The following PRDM16 variants were observed in gnomAD, a reference collection of about 807,000 sequenced individuals.
The protein encoded by PRDM16 is PR/SET domain 16.
PRDM16 carries 23 observed loss-of-function variants against 110.6 expected under a neutral mutation model. That is an observed-to-expected ratio of 0.21 (90% CI 0.15 to 0.29). The LOEUF (loss-of-function observed/expected upper bound fraction) is 0.29. Ranked by LOEUF, PRDM16 falls within the 10% of genes least tolerant of loss-of-function variation. The pLI is 1.00. For synonymous variants in PRDM16, 799 were observed against 781.8 expected, an observed-to-expected ratio of 1.02 and a Z score of -0.37; for missense variants, 1,615 against 1,794.3, an observed-to-expected ratio of 0.90 and a Z score of 1.81.
At position 3,280,566 on chromosome 1, in the gene PRDM16, C is replaced by T. The variant is rs115202270; in HGVS notation, c.438+36429C>T. 5.4e-3 allele frequency among the ~76,000 whole-genome samples: 816 copies of T among 152,322 alleles called. 6 individuals carry two copies. The highest frequency in any genetic ancestry group is 0.019 in the African/African-American group (783 of 41,554). ...CCCACCTCAGGCCTTCCATCGCCTC[C>T]CTCGACTCCCACCTGGAGCCTGGAG... On this transcript the variant is annotated intron_variant, in intron 3 of 16. Coordinates refer to ENST00000270722, the MANE Select transcript of PRDM16 (RefSeq NM_022114.4).
chr1:3,151,779 A>G (rs547818599), intron 1 of PRDM16, among the ~76,000 whole-genome samples: 3 of 152,338 alleles, frequency 2.0e-5, no homozygotes, highest in African/African-American at 4.8e-5. Flanking sequence ...CCCGGAGAAG[A>G]GAGCCCAACT....
intron 1 of PRDM16, among the ~76,000 whole-genome samples, chr1:3,104,398 C>A (rs1439768236): frequency 6.6e-6 from 1 of 152,194 alleles, no homozygotes; most frequent in Non-Finnish European, 1.5e-5. Flanking sequence ...GTGCACAGGG[C>A]CTTGCTGTTC....
At chr1:3,125,748 C>T (rs1643191743) in intron 1 of PRDM16, among the ~76,000 whole-genome samples, 1 of 152,228 alleles carries the variant, frequency 6.6e-6, no homozygotes, top group Admixed American at 6.5e-5. Context: ...TTGGTCTGCG[C>T]GGGGGGCACT....
intron 1 of PRDM16, among the ~76,000 whole-genome samples, chr1:3,181,677 C>CAGTCTTACACACGGTCTTACACAT (rs1644197761): frequency 2.0e-4 from 19 of 92,974 alleles, no homozygotes; most frequent in Admixed American, 5.8e-4. Flanking sequence ...GTCTTACACG[C>CAGTCTTACACACGGTCTTACACAT]GCAGTCTTAC....
intron 1 of PRDM16, 106 bp from the exon 2 acceptor site, chr1:3,186,019 G>C (rs1569797799): frequency 2.1e-6 from 2 of 969,242 alleles, no homozygotes. Flanking sequence ...CTGGGCCCCT[G>C]AGCACCCTCG....
At chr1:3,097,099 G>T (rs189439191) in intron 1 of PRDM16, among the ~76,000 whole-genome samples, 1 of 152,060 alleles carries the variant, frequency 6.6e-6, no homozygotes, top group African/African-American at 2.4e-5. Flanking sequence ...CACCCAGGCC[G>T]GGATTCTAGG....
intron 2 of PRDM16, among the ~76,000 whole-genome samples, chr1:3,241,920 C>T (rs1639683217): frequency 6.6e-6 from 1 of 152,196 alleles, no homozygotes; most frequent in African/African-American, 2.4e-5. Context: ...GGCTGGAGGG[C>T]TGTCACGCTA....
At chr1:3,075,741 G>A (rs977050808) in intron 1 of PRDM16, among the ~76,000 whole-genome samples, 2 of 152,376 alleles carry the variant, frequency 1.3e-5, no homozygotes, top group African/African-American at 4.8e-5. Flanking sequence ...ACCTGCACAC[G>A]CACCTCTCAG....
chr1:3,241,750 C>CGCTCGG (rs1273975173), intron 2 of PRDM16, among the ~76,000 whole-genome samples: 1 of 152,170 alleles, frequency 6.6e-6, no homozygotes, highest in Non-Finnish European at 1.5e-5. Flanking sequence ...GGCAGGGAGA[C>CGCTCGG]AGGAAGATCA....
At chr1:3,117,999 T>C (rs556573028) in intron 1 of PRDM16, among the ~76,000 whole-genome samples, 8 of 151,888 alleles carry the variant, frequency 5.3e-5, no homozygotes, top group Non-Finnish European at 2.9e-5. Context: ...TGCACGCGTG[T>C]GTGCGTGTGC....
At chr1:3,089,201 G>A (rs1642218041) in intron 1 of PRDM16, among the ~76,000 whole-genome samples, 2 of 152,248 alleles carry the variant, frequency 1.3e-5, no homozygotes, top group South Asian at 4.1e-4. Flanking sequence ...AATGGAGATG[G>A]TGTCTGCACC....
At chr1:3,273,975 G>GGAA (rs1569971594) in intron 3 of PRDM16, among the ~76,000 whole-genome samples, 1 of 76,484 alleles carries the variant, frequency 1.3e-5, no homozygotes, top group African/African-American at 1.0e-4. Flanking sequence ...GTATGGGGAG[G>GGAA]TAAAAAAAAA....
chr1:3,090,413 G>A (rs921320787), intron 1 of PRDM16, among the ~76,000 whole-genome samples: 5 of 152,226 alleles, frequency 3.3e-5, no homozygotes, highest in Admixed American at 2.6e-4. Context: ...GCCGCCGTTC[G>A]GCAGGCCTGG....
Position 3,359,789 on chromosome 1 carries a change from A to C in PRDM16, c.439-25363A>C, listed in dbSNP as rs1169344872. ...GCAGCCAGAAGGCAAGGCGGGAAAAACGAGCCTGGCCTGAAACCACGCCCG... is the reference window on the plus strand; with the variant it reads ...GCAGCCAGAAGGCAAGGCGGGAAAACCGAGCCTGGCCTGAAACCACGCCCG... On this transcript the variant is annotated intron_variant, in intron 3 of 16. Coordinates refer to ENST00000270722, the MANE Select transcript of PRDM16 (RefSeq NM_022114.4). This position sits in a 1 kb window ranked among gnomAD's most constrained non-coding sequence, Gnocchi z 4.3. Among the ~76,000 whole-genome samples, 1 of 152,088 alleles carries C rather than the reference A, an allele frequency of 6.6e-6. No homozygotes were observed.
intron 3 of PRDM16, among the ~76,000 whole-genome samples, chr1:3,333,435 G>C (rs1642083013): frequency 6.6e-6 from 1 of 152,180 alleles, no homozygotes; most frequent in African/African-American, 2.4e-5. Flanking sequence ...TCTGACCCTA[G>C]GAGTCTGGAA....
At chr1:3,278,467 T>A (rs1349466145) in intron 3 of PRDM16, among the ~76,000 whole-genome samples, 1 of 152,190 alleles carries the variant, frequency 6.6e-6, no homozygotes, top group Non-Finnish European at 1.5e-5. Context: ...TCATGCAGGA[T>A]ATTTCAGCAG....
chr1:3,290,737 G>A lies in PRDM16; in HGVS notation c.438+46600G>A, dbSNP rs1036009780. ...GCAGGGAGTGGAAGAAACTCAAGCCGGGAGCTGTGGATCCAAAAATATTGC... is the reference window on the plus strand; with the variant it reads ...GCAGGGAGTGGAAGAAACTCAAGCCAGGAGCTGTGGATCCAAAAATATTGC... On this transcript the variant is annotated intron_variant, in intron 3 of 16. Transcript: ENST00000270722. The surrounding 1 kb of genome is among the most constrained non-coding windows in gnomAD (Gnocchi z 4.8). 1.3e-5 allele frequency among the ~76,000 whole-genome samples: 2 copies of A among 152,102 alleles called. No individual in the cohort carries two copies. Among genetic ancestry groups the A allele is most frequent in the African/African-American group, 2.4e-5 (1 of 41,414 alleles).
chr1:3,354,859 G>T (rs559151879), intron 3 of PRDM16, among the ~76,000 whole-genome samples: 2 of 152,250 alleles, frequency 1.3e-5, no homozygotes, highest in African/African-American at 4.8e-5. Context: ...CCAGAGGAGA[G>T]TGCCCTGTGT....
At chr1:3,109,578 C>T (rs771611849) in intron 1 of PRDM16, among the ~76,000 whole-genome samples, 5 of 152,286 alleles carry the variant, frequency 3.3e-5, no homozygotes, top group South Asian at 2.1e-4. Context: ...ACCATTAGAC[C>T]GGGGCTTCCG....
Sources: allele counts gnomAD v4.1 joint callset (sites outside exome capture counted in the v4.1 genomes callset), GRCh38; gene constraint gnomAD v4.1.1; non-coding constraint Gnocchi (gnomAD v3.1); transcripts MANE v1.5; gene names NCBI Gene and HGNC (gene_info 2026-07-23, HGNC 2026-07-21).